UBR3: variants seen among roughly 807,000 people sequenced by gnomAD.
UBR3 encodes the protein E3 ubiquitin-protein ligase UBR3.
A neutral mutation model predicts 243.2 loss-of-function variants in UBR3; 85 were observed. The observed-to-expected ratio is 0.35, with a 90% CI of 0.29 to 0.42. The LOEUF is 0.42. UBR3 is among the 10% of genes least tolerant of loss of function. UBR3 has a pLI of 1.00. For missense variants in UBR3, 1,686 were observed against 2,300.8 expected (o/e 0.73, Z 5.47); for synonymous variants, 748 against 799.8 (o/e 0.94, Z 1.09).
At chr2:170,004,297 G>T (rs2089826283) in intron 27 of UBR3, among the ~76,000 whole-genome samples, 1 of 152,174 alleles carries the variant, frequency 6.6e-6, no homozygotes, top group Non-Finnish European at 1.5e-5. Flanking sequence ...AACGTGATAG[G>T]TGATGATGAC....
rs575233655 is a variant in UBR3, at chr2:169,886,623, A to C, written c.1039-4542A>C. Among the ~76,000 whole-genome samples, 3 of 152,220 alleles carry C rather than the reference A, an allele frequency of 2.0e-5. No homozygotes were observed. The East Asian group carries it at 5.8e-4, about 29-fold the overall frequency. On this transcript the variant is annotated intron_variant, in intron 5 of 38. Transcript: ENST00000272793. ...TCTTTTAAAATCTATGTCCTCATTT[A>C]GTGCACAGTGATGGGACATCTTTTG...
At chr2:169,920,448 C>T (rs2105343298) in intron 11 of UBR3, among the ~76,000 whole-genome samples, 2 of 137,060 alleles carry the variant, frequency 1.5e-5, no homozygotes, top group South Asian at 5.1e-4. Flanking sequence ...CACATGTACC[C>T]TAAAACTTAA....
chr2:169,844,007 C>A (rs1412786608), intron 1 of UBR3, among the ~76,000 whole-genome samples: 1 of 134,086 alleles, frequency 7.5e-6, no homozygotes, highest in Non-Finnish European at 1.6e-5. Context: ...TTTCTCTTTA[C>A]TTTTTTTTTT....
At chr2:170,032,945 G>T (rs1412135751) in intron 31 of UBR3, among the ~76,000 whole-genome samples, 1 of 152,026 alleles carries the variant, frequency 6.6e-6, no homozygotes, top group Non-Finnish European at 1.5e-5. Context: ...AAAACTTTGT[G>T]TGTGTATTTT....
intron 27 of UBR3, among the ~76,000 whole-genome samples, chr2:170,003,204 T>C (rs1189324422): frequency 1.3e-5 from 2 of 152,248 alleles, no homozygotes; most frequent in Non-Finnish European, 2.9e-5. Context: ...GCTTTCTTAC[T>C]GATTTCCTTA....
chr2:169,882,022 A>T (rs1391986016), intron 5 of UBR3, among the ~76,000 whole-genome samples: 21 of 126,262 alleles, frequency 1.7e-4, no homozygotes, highest in Non-Finnish European at 3.1e-4. Flanking sequence ...TATGTATTAT[A>T]TATTATACAT....
chr2:169,947,281 AT>A, intron 21 of UBR3: 1 of 243,526 alleles, frequency 4.1e-6, no homozygotes, highest in East Asian at 7.5e-5. Context: ...AGATTGAAAA[AT>A]GTATTTAAAA....
intron 1 of UBR3, among the ~76,000 whole-genome samples, chr2:169,871,382 T>C (rs917275998): frequency 3.4e-5 from 5 of 148,628 alleles, no homozygotes; most frequent in Admixed American, 6.7e-5. Context: ...CCAGGATGCA[T>C]GTGAGTGACA....
chr2:170,035,413 A>G (rs1296931200), intron 31 of UBR3, among the ~76,000 whole-genome samples: 2 of 151,980 alleles, frequency 1.3e-5, no homozygotes, highest in Non-Finnish European at 1.5e-5. Context: ...CATTTGTTGA[A>G]AAGACTGTGT....
Position 170,055,592 on chromosome 2 carries a change from T to C in UBR3, c.4785+8T>C. On this transcript the variant is annotated splice_region_variant and intron_variant, in intron 33 of 38. Coordinates refer to ENST00000272793, the MANE Select transcript of UBR3 (RefSeq NM_172070.4). ...GCGGGAGCTCTCAAAAAGGTTAGGC[T>C]CTTTCTAAATTTGTCATTTAGCAGG... 6.2e-7 allele frequency: 1 copy of C among 1,612,242 alleles called. No homozygotes were observed. The highest frequency in any genetic ancestry group is 8.5e-7 in the Non-Finnish European group (1 of 1,178,796).
At chr2:169,866,786 G>A (rs1019860201) in intron 1 of UBR3, among the ~76,000 whole-genome samples, 2 of 152,198 alleles carry the variant, frequency 1.3e-5, no homozygotes, top group Non-Finnish European at 2.9e-5. Flanking sequence ...GGACACAGAG[G>A]CAACTGAGGA....
intron 32 of UBR3, among the ~76,000 whole-genome samples, chr2:170,055,085 C>G (rs2091303383): frequency 6.6e-6 from 1 of 152,088 alleles, no homozygotes; most frequent in Non-Finnish European, 1.5e-5. Flanking sequence ...TTGCTTGAGC[C>G]CAAGGAATTT....
intron 30 of UBR3, among the ~76,000 whole-genome samples, chr2:170,028,821 G>A (rs563975132): frequency 6.6e-6 from 1 of 151,638 alleles, no homozygotes; most frequent in South Asian, 2.1e-4. Flanking sequence ...AGTTGGAATT[G>A]TAACAAATAA....
chr2:169,946,125 A>T (rs751438678), intron 20 of UBR3, among the ~76,000 whole-genome samples, 163 bp from the exon 21 acceptor site: 22 of 152,024 alleles, frequency 1.4e-4, no homozygotes, highest in Non-Finnish European at 2.9e-4. Context: ...ATTCGTATGA[A>T]TTTTTTTAGT....
At chr2:170,065,069 T>C (rs1429755920) in intron 35 of UBR3, among the ~76,000 whole-genome samples, 1 of 151,876 alleles carries the variant, frequency 6.6e-6, no homozygotes, top group African/African-American at 2.4e-5. Flanking sequence ...TCTCGAACTC[T>C]GGACCTCAGG....
rs1163997456 is a variant in UBR3 at position 170,007,037 on chromosome 2, G to A, written c.4077G>A (p.Thr1359=). 3 of 1,611,446 alleles carry A rather than the reference G, an allele frequency of 1.9e-6. No individual in the cohort carries two copies. The highest frequency in any genetic ancestry group is 2.5e-6 in the Non-Finnish European group (3 of 1,179,164). The change falls in exon 28 of 39, where the codon ACG becomes ACA. Residue 1359 remains threonine (T), a synonymous_variant. Coordinates refer to ENST00000272793, the MANE Select transcript of UBR3 (RefSeq NM_172070.4). ...TCTCGGTGGACAAAGGAGAATTCAC[G>A]TGTCCACTCTGTAGGCAGTTTGCTA... The part of the protein sequence containing the change: ...QGFSVDKGEF[T]CPLCRQFANS...
chr2:169,827,610 C>G lies in UBR3; in HGVS notation c.103C>G (p.Leu35Val). 2 of 1,268,598 alleles carry G rather than the reference C, an allele frequency of 1.6e-6. No homozygotes were observed. Among genetic ancestry groups the G allele is most frequent in the Non-Finnish European group, 2.0e-6 (2 of 1,007,802 alleles). The allele number at this position is 1,268,598 out of a possible 1,614,324, so 78.6% of individuals were successfully genotyped here. Residue 35 changes from leucine to valine, a missense_variant, in exon 1 of 39, where the codon CTC becomes GTC. This residue lies in a region of UBR3 where 79 missense variants were observed against 73.2 expected (regional missense o/e 1.08). Coordinates refer to ENST00000272793, the MANE Select transcript of UBR3 (RefSeq NM_172070.4). The stretch of plus-strand genomic sequence containing the variant: ...AGACAAGGCGGCCACCGCCGCGCAC[C>G]TCAAGGCGGCCCTCAGCCGGCCGGA... ...ALDKAATAAHLKAALSRPDNR... is the reference protein window; with the variant it reads ...ALDKAATAAHVKAALSRPDNR...
intron 11 of UBR3, among the ~76,000 whole-genome samples, chr2:169,917,088 C>T (rs1285569483): frequency 6.6e-6 from 1 of 152,056 alleles, no homozygotes; most frequent in African/African-American, 2.4e-5. Flanking sequence ...TTTTCTTTAC[C>T]CCTCATTACC....
In UBR3 at chr2:169,836,067, ATTT is replaced by A. The variant is rs60845808; in HGVS notation, c.545+8039_545+8041del. On this transcript the variant is annotated intron_variant, in intron 1 of 38. Transcript: ENST00000272793. Reference sequence around the variant, plus strand: ...TCTATATATATATATATATATATATATTTTTTTTTTTTTTTTTTTTTTTTTTGA... The same window carrying A: ...TCTATATATATATATATATATATATATTTTTTTTTTTTTTTTTTTTTTTGA... Among the ~76,000 whole-genome samples the A allele has an allele frequency of 3.6e-3, 116 of 32,662 alleles. 4 individuals carry two copies. Among genetic ancestry groups the A allele is most frequent in the African/African-American group, 7.4e-3 (62 of 8,388 alleles). 21.4% of individuals were successfully genotyped at this position (32,662 alleles called of 152,430 possible).
Sources: gnomAD v4.1 joint callset for allele counts (sites outside exome capture counted in the v4.1 genomes callset) on GRCh38, gnomAD v4.1.1 for gene constraint, gnomAD v4.1.1 regional missense constraint, MANE v1.5 for transcripts, NCBI Gene and HGNC (gene_info 2026-07-23, HGNC 2026-07-21) for gene names.